Variants in DLC1 observed in about 807,000 individuals in gnomAD.
The protein encoded by DLC1 is rho GTPase-activating protein 7.
In DLC1, 54 loss-of-function variants were observed where a neutral mutation model predicts 140.3. The ratio of observed to expected loss-of-function variants is 0.38; its 90% CI spans 0.31 to 0.48. The LOEUF is 0.48. Among genes scored for constraint, DLC1 ranks in the 20% least tolerant of loss-of-function variants. The pLI, the probability that DLC1 is intolerant of heterozygous loss-of-function variation, is 0.96. For synonymous variants in DLC1, 986 were observed against 728.1 expected (o/e 1.35, Z -5.70); for missense variants, 2,536 against 1,907.0 (o/e 1.33, Z -6.14).
intron 3 of DLC1, among the ~76,000 whole-genome samples, chr8:13,399,862 G>C (rs1443585752): frequency 6.6e-6 from 1 of 152,082 alleles, no homozygotes; most frequent in African/African-American, 2.4e-5. Context: ...GGGTAGGGGG[G>C]CGGTGAGTGT....
chr8:13,500,282 G>C, intron 1 of DLC1, 86 bp from the exon 2 acceptor site: 1 of 464,728 alleles, frequency 2.2e-6, no homozygotes, highest in Non-Finnish European at 3.8e-6. Flanking sequence ...CTTAATCTAT[G>C]CTATCAAAGT....
At chr8:13,381,602 C>T (rs1445631547) in intron 4 of DLC1, among the ~76,000 whole-genome samples, 2 of 152,180 alleles carry the variant, frequency 1.3e-5, no homozygotes, top group Non-Finnish European at 2.9e-5. Flanking sequence ...GACGTAAGAA[C>T]ATTTTGGTTG....
At chr8:13,437,671 C>T (rs1450555022) in intron 2 of DLC1, among the ~76,000 whole-genome samples, 1 of 152,130 alleles carries the variant, frequency 6.6e-6, no homozygotes. Flanking sequence ...CCAGGGACAA[C>T]TGTGTAGGCA....
intron 5 of DLC1, among the ~76,000 whole-genome samples, chr8:13,264,471 A>C (rs1830606370): frequency 6.6e-6 from 1 of 152,204 alleles, no homozygotes. Context: ...GTGCCACTTA[A>C]AACTTTTAAA....
At chr8:13,456,684 C>T (rs756462708) in intron 2 of DLC1, among the ~76,000 whole-genome samples, 18 of 152,240 alleles carry the variant, frequency 1.2e-4, no homozygotes, top group South Asian at 6.2e-4. Context: ...GTTTTGAACT[C>T]CTGACTTCAA....
At chr8:13,502,534 C>G (rs1651570933) in intron 1 of DLC1, among the ~76,000 whole-genome samples, 1 of 152,072 alleles carries the variant, frequency 6.6e-6, no homozygotes, top group African/African-American at 2.4e-5. Flanking sequence ...AAATCTGTCT[C>G]TATGATTTAA....
chr8:13,563,521 C>A (rs547793117), intron 1 of DLC1, among the ~76,000 whole-genome samples: 1 of 152,176 alleles, frequency 6.6e-6, no homozygotes, highest in Non-Finnish European at 1.5e-5. Context: ...AGATTCCTGG[C>A]ATCTTTAACT....
At chr8:13,252,469 A>T (rs1388309922) in intron 5 of DLC1, among the ~76,000 whole-genome samples, 1 of 152,168 alleles carries the variant, frequency 6.6e-6, no homozygotes, top group Non-Finnish European at 1.5e-5. Flanking sequence ...TGATACAAAG[A>T]CAACAGATAT....
chr8:13,148,817 G>C (rs1823612146), intron 5 of DLC1, among the ~76,000 whole-genome samples: 1 of 151,992 alleles, frequency 6.6e-6, no homozygotes, highest in African/African-American at 2.4e-5. Flanking sequence ...TTATGAGATG[G>C]AGTCTTGCTC....
intron 5 of DLC1, among the ~76,000 whole-genome samples, chr8:13,295,842 A>C (rs916224169): frequency 2.6e-5 from 4 of 150,956 alleles, no homozygotes; most frequent in Non-Finnish European, 2.9e-5. Flanking sequence ...TTGTGTATAT[A>C]TTCACATTAT....
At chr8:13,445,316 T>C (rs1236497352) in intron 2 of DLC1, among the ~76,000 whole-genome samples, 1 of 152,090 alleles carries the variant, frequency 6.6e-6, no homozygotes, top group Non-Finnish European at 1.5e-5. Flanking sequence ...TTGGAGGAGA[T>C]GTGGGAGGAT....
In DLC1 at chr8:13,396,681, A is replaced by G. The variant is rs1837057898; in HGVS notation, c.1174-2988T>C. On this transcript the variant is annotated intron_variant, in intron 3 of 17. Coordinates refer to ENST00000276297, the MANE Select transcript of DLC1 (RefSeq NM_182643.3). ...CCCCAGAATCCAACTTTTTAAAGTA[A>G]CCACCATGATATTCTGCAGAGGCCT... Among the ~76,000 whole-genome samples, 3 of 152,176 alleles carry G rather than the reference A, an allele frequency of 2.0e-5. No homozygotes were observed. In the South Asian group the frequency reaches 6.2e-4, roughly 32 times the overall value.
At chr8:13,275,289 T>G (rs1278780583) in intron 5 of DLC1, among the ~76,000 whole-genome samples, 1 of 152,204 alleles carries the variant, frequency 6.6e-6, no homozygotes, top group Non-Finnish European at 1.5e-5. Flanking sequence ...TCAGGACAAT[T>G]ATGTGAAAAT....
At chr8:13,330,983 C>A (rs575306870) in intron 4 of DLC1, among the ~76,000 whole-genome samples, 4 of 151,988 alleles carry the variant, frequency 2.6e-5, no homozygotes, top group Non-Finnish European at 5.9e-5. Flanking sequence ...AAAAATAAAG[C>A]AAAGAATAAA....
intron 5 of DLC1, among the ~76,000 whole-genome samples, chr8:13,196,499 C>T (rs994512342): frequency 2.0e-5 from 3 of 152,150 alleles, no homozygotes; most frequent in African/African-American, 7.2e-5. Context: ...ATTCATCTAT[C>T]AGCTGTCTCT....
intron 4 of DLC1, among the ~76,000 whole-genome samples, chr8:13,328,149 C>G (rs979265017): frequency 6.6e-6 from 1 of 152,014 alleles, no homozygotes; most frequent in Non-Finnish European, 1.5e-5. Flanking sequence ...CACTGAGCAC[C>G]TATACGTGGG....
chr8:13,328,129 T>C (rs555155156), intron 4 of DLC1, among the ~76,000 whole-genome samples: 2 of 152,294 alleles, frequency 1.3e-5, no homozygotes, highest in Admixed American at 6.5e-5. Context: ...TTGTAGTTGA[T>C]GCTAATAAGC....
intron 2 of DLC1, among the ~76,000 whole-genome samples, chr8:13,443,345 A>G (rs1202915710): frequency 7.7e-5 from 1 of 12,920 alleles, no homozygotes; most frequent in African/African-American, 6.3e-4. Flanking sequence ...CTAAAACTTA[A>G]AAAAAAAAAA....
chr8:13,227,078 C>T (rs976849579), intron 5 of DLC1, among the ~76,000 whole-genome samples: 1 of 152,112 alleles, frequency 6.6e-6, no homozygotes, highest in African/African-American at 2.4e-5. Flanking sequence ...TGAGCTTATT[C>T]TGAATTCTGT....
Sources: allele counts gnomAD v4.1 joint callset (sites outside exome capture counted in the v4.1 genomes callset), GRCh38; gene constraint gnomAD v4.1.1; transcripts MANE v1.5; gene names NCBI Gene and HGNC (gene_info 2026-07-23, HGNC 2026-07-21).